Variants in ZNF48 observed in about 807,000 individuals in gnomAD.
ZNF48 encodes the protein zinc finger protein 553.
A neutral mutation model predicts 40.0 loss-of-function variants in ZNF48; 20 were observed. The ratio of observed to expected loss-of-function variants is 0.50; its 90% CI spans 0.35 to 0.73. ZNF48 has a LOEUF of 0.73. Among genes scored for constraint, ZNF48 ranks in the 30% least tolerant of loss-of-function variants. The probability of loss-of-function intolerance (pLI) is 0.01; values close to 1 mark genes in which losing one functional copy is unlikely to be tolerated. For missense variants in ZNF48, 726 were observed against 851.9 expected, an observed-to-expected ratio of 0.85 and a Z score of 1.84; for synonymous variants, 298 against 329.7, an observed-to-expected ratio of 0.90 and a Z score of 1.04.
rs758269603 is a variant in ZNF48 at position 30,381,611 on chromosome 16, G to C, written c.-16+3201G>C. 1.8e-4 allele frequency: 268 copies of C among 1,457,268 alleles called. No homozygotes were observed. The highest frequency in any genetic ancestry group is 2.3e-4 in the Non-Finnish European group (243 of 1,065,542). The allele number at this position is 1,457,268 out of a possible 1,614,324, so 90.3% of individuals were successfully genotyped here. On this transcript the variant is annotated intron_variant, in intron 1 of 2. Coordinates refer to the ZNF48 transcript ENST00000528032. This position sits in a 1 kb window ranked among gnomAD's most constrained non-coding sequence, Gnocchi z 4.3. The stretch of plus-strand genomic sequence containing the variant: ...TTAAGGGGAACTGGTGGGGGCCTAG[G>C]TGAGTCATCAAGAAGCACAGGGACC...
At position 30,397,868 on chromosome 16, in the gene ZNF48, CCTG is replaced by C; in HGVS notation, c.619_621del (p.Leu207del). On this transcript the variant is annotated inframe_deletion, in exon 3 of 3. Coordinates refer to ENST00000613509, the MANE Select transcript of ZNF48 (RefSeq NM_001214909.2). The surrounding 1 kb of genome is among the most constrained non-coding windows in gnomAD (Gnocchi z 4.1). ...GCAAGAGCTTCCGGCAGAGTTCTGA[CCTG>C]GTGAAACACCAGCGGACACACACTG... 1 of 1,612,590 alleles carries C rather than the reference CCTG, an allele frequency of 6.2e-7. No homozygotes were observed. The highest frequency in any genetic ancestry group is 8.5e-7 in the Non-Finnish European group (1 of 1,179,648).
intron 1 of ZNF48, among the ~76,000 whole-genome samples, chr16:30,383,491 C>T (rs1411773380): frequency 6.6e-6 from 1 of 152,048 alleles, no homozygotes. Flanking sequence ...GCCAGGCCAA[C>T]GCTGTTTCAA....
At chr16:30,379,956 G>A (rs1366112660) in intron 1 of ZNF48, 9 of 1,589,856 alleles carry the variant, frequency 5.7e-6, no homozygotes, top group Non-Finnish European at 7.8e-6. Flanking sequence ...CCTGCCTCTT[G>A]AAGTCTTCAT....
upstream of ZNF48, among the ~76,000 whole-genome samples, chr16:30,392,275 G>A (rs564328606): frequency 2.5e-3 from 374 of 152,138 alleles, 3 homozygotes; most frequent in Admixed American, 7.1e-3. Flanking sequence ...CACCCACATC[G>A]GCATCCCAAA....
At position 30,398,054 on chromosome 16, in the gene ZNF48, G is replaced by C. The variant is rs758306248; in HGVS notation, c.804G>C (p.Pro268=). Residue 268 remains proline (P), a synonymous_variant, in exon 3 of 3, where the codon CCG becomes CCC. Coordinates refer to ENST00000613509, the MANE Select transcript of ZNF48 (RefSeq NM_001214909.2). The surrounding 1 kb of genome is among the most constrained non-coding windows in gnomAD (Gnocchi z 6.6). ...CAGCCACGGCAGCTACCCAGGGACC[G>C]AAGGCCCAGGACAAGCCATATATCT... ...SRAATAATQG[P]KAQDKPYICT... 1 of 1,612,194 alleles carries C rather than the reference G, an allele frequency of 6.2e-7. No individual in the cohort carries two copies. The highest frequency in any genetic ancestry group is 8.5e-7 in the Non-Finnish European group (1 of 1,178,938).
Position 30,398,824 on chromosome 16 carries a change from C to T in ZNF48, c.1574C>T (p.Pro525Leu), listed in dbSNP as rs766699262. 4 of 1,613,862 alleles carry T rather than the reference C, an allele frequency of 2.5e-6. No homozygotes were observed. The highest frequency in any genetic ancestry group is 3.4e-6 in the Non-Finnish European group (4 of 1,180,022). ...LRPHNPPGPV[P>L]MAPRPRVRAQ... is the part of the protein sequence containing the mutation. Reference sequence around the variant, plus strand: ...CCACATAACCCACCTGGCCCAGTACCCATGGCCCCTCGACCCCGAGTTCGG... The same window carrying T: ...CCACATAACCCACCTGGCCCAGTACTCATGGCCCCTCGACCCCGAGTTCGG... Residue 525 changes from proline (P) to leucine (L), a missense_variant, in exon 3 of 3, where the codon CCC (proline) becomes CTC (leucine). Physicochemically the swap from Pro to Leu is moderately conservative, Grantham distance 98. This residue lies in a region of ZNF48 where 166 missense variants were observed against 163.6 expected (regional missense o/e 1.01). Transcript: ENST00000613509. This position sits in a 1 kb window ranked among gnomAD's most constrained non-coding sequence, Gnocchi z 6.6.
At position 30,397,821 on chromosome 16, in the gene ZNF48, C is replaced by T. The variant is rs781254141; in HGVS notation, c.571C>T (p.Pro191Ser). Reference sequence around the variant, plus strand: ...GTCCCGGATCCCTGCTGGTGAGCGCCCCACTATCTGTGGTGAATGTGGCAA... The same window carrying T: ...GTCCCGGATCCCTGCTGGTGAGCGCTCCACTATCTGTGGTGAATGTGGCAA... ...PRSRIPAGER[P>S]TICGECGKSF... is the part of the protein sequence containing the mutation. The change falls in exon 3 of 3, where the codon CCC becomes TCC. Residue 191 changes from proline to serine, a missense_variant. Physicochemically the swap from Pro to Ser is moderately conservative, Grantham distance 74. Coordinates refer to ENST00000613509, the MANE Select transcript of ZNF48 (RefSeq NM_001214909.2). This position sits in a 1 kb window ranked among gnomAD's most constrained non-coding sequence, Gnocchi z 4.1. 1.2e-6 allele frequency: 2 copies of T among 1,613,142 alleles called. No individual in the cohort carries two copies. The highest frequency in any genetic ancestry group is 1.7e-6 in the Non-Finnish European group (2 of 1,179,854).
rs1002671616 is a variant in ZNF48, at chr16:30,397,791, C to G, written c.541C>G (p.Pro181Ala). The change falls in exon 3 of 3, where the codon CCT (proline) becomes GCT (alanine). Residue 181 changes from proline (P) to alanine (A), a missense_variant. This residue lies in a region of ZNF48 where 378 missense variants were observed against 449.1 expected (regional missense o/e 0.84). Coordinates refer to ENST00000613509, the MANE Select transcript of ZNF48 (RefSeq NM_001214909.2). The surrounding 1 kb of genome is among the most constrained non-coding windows in gnomAD (Gnocchi z 4.1). ...ACCAGCCCAGGGTCCCCCAAAGATT[C>G]CTCGGTCCCGGATCCCTGCTGGTGA... ...RPPAQGPPKIPRSRIPAGERP... is the reference protein window; with the variant it reads ...RPPAQGPPKIARSRIPAGERP... The G allele has an allele frequency of 5.6e-6, 9 of 1,613,674 alleles. No individual in the cohort carries two copies. The highest frequency in any genetic ancestry group is 7.6e-6 in the Non-Finnish European group (9 of 1,179,988).
Position 30,398,147 on chromosome 16 carries a change from G to T in ZNF48, c.897G>T (p.Gly299=). The change falls in exon 3 of 3, where the codon GGG becomes GGT. Residue 299 remains glycine, a synonymous_variant. Transcript: ENST00000613509. This position sits in a 1 kb window ranked among gnomAD's most constrained non-coding sequence, Gnocchi z 6.6. ...TGAGTCACCAGCGTAGTCACTTGGG[G>T]CCCAAGCCCTTTGGCTGTGATGTGT... ...SLLSHQRSHL[G]PKPFGCDVCG... is the part of the protein sequence containing the mutation. The T allele has an allele frequency of 1.2e-6, 2 of 1,613,912 alleles. No homozygotes were observed. Among genetic ancestry groups the T allele is most frequent in the Non-Finnish European group, 1.7e-6 (2 of 1,179,884 alleles).
Position 30,398,700 on chromosome 16 carries a change from T to C in ZNF48, c.1450T>C (p.Cys484Arg), listed in dbSNP as rs2050018018. ...TGEKPYLCPE[C>R]GKGFADSSAR... ...GGAGAAACCCTACCTCTGTCCTGAA[T>C]GCGGCAAGGGTTTTGCTGACAGCTC... The change falls in exon 3 of 3, where the codon TGC becomes CGC. Residue 484 changes from cysteine (C) to arginine (R), a missense_variant. Coordinates refer to ENST00000613509, the MANE Select transcript of ZNF48 (RefSeq NM_001214909.2). The surrounding 1 kb of genome is among the most constrained non-coding windows in gnomAD (Gnocchi z 6.6). 1 of 1,613,358 alleles carries C rather than the reference T, an allele frequency of 6.2e-7. No individual in the cohort carries two copies. The highest frequency in any genetic ancestry group is 1.1e-5 in the South Asian group (1 of 91,062).
In ZNF48 at chr16:30,382,659, G is replaced by C. The variant is rs2049867572; in HGVS notation, c.-16+4249G>C. ...GCTCAAACTGGCCCAGTCCCAGAGA[G>C]GTGGGGAAGGCCAAGGCCAAGAACA... is the stretch of plus-strand genomic sequence containing the variant. On this transcript the variant is annotated intron_variant, in intron 1 of 2. Coordinates refer to the ZNF48 transcript ENST00000528032. This position sits in a 1 kb window ranked among gnomAD's most constrained non-coding sequence, Gnocchi z 4.8. 1 of 1,536,350 alleles carries C rather than the reference G, an allele frequency of 6.5e-7. No individual in the cohort carries two copies. The highest frequency in any genetic ancestry group is 8.7e-7 in the Non-Finnish European group (1 of 1,142,948).
At chr16:30,378,626 C>A in intron 1 of ZNF48, 1 of 1,611,178 alleles carries the variant, frequency 6.2e-7, no homozygotes, top group Non-Finnish European at 8.5e-7. Flanking sequence ...GTCTTTCTCG[C>A]GGATCAGCTT....
At chr16:30,383,996 C>T (rs898292976) in intron 1 of ZNF48, among the ~76,000 whole-genome samples, 1 of 152,032 alleles carries the variant, frequency 6.6e-6, no homozygotes, top group Admixed American at 6.6e-5. Flanking sequence ...GCGGGTGGAT[C>T]ACTTGAGGCC....
chr16:30,391,405 G>T (rs555133910), upstream of ZNF48, among the ~76,000 whole-genome samples: 149 of 150,798 alleles, frequency 9.9e-4, no homozygotes, highest in African/African-American at 3.5e-3. Context: ...GGTCAGGCTG[G>T]TCTCCAACCC....
At chr16:30,380,768 TAA>T (rs11325889) in intron 1 of ZNF48, 72 of 267,732 alleles carry the variant, frequency 2.7e-4, no homozygotes, top group African/African-American at 1.1e-3. Context: ...AGACTCTATC[TAA>T]AAAAAAAAAG....
At chr16:30,389,161 A>C (rs2049922611) in intron 1 of ZNF48, among the ~76,000 whole-genome samples, 1 of 151,912 alleles carries the variant, frequency 6.6e-6, no homozygotes, top group South Asian at 2.1e-4. Context: ...TGGGAGGCTG[A>C]GGCGGGCGGA....
At position 30,397,272 on chromosome 16, in the gene ZNF48, G is replaced by C; in HGVS notation, c.80-58G>C. 6.7e-7 allele frequency: 1 copy of C among 1,495,624 alleles called. No individual in the cohort carries two copies. Among genetic ancestry groups the C allele is most frequent in the Non-Finnish European group, 9.0e-7 (1 of 1,107,226 alleles). The allele number at this position is 1,495,624 out of a possible 1,614,324, so 92.6% of individuals were successfully genotyped here. Reference sequence around the variant, plus strand: ...AGGGAGTCTTCCTGGAGAGGTTGCTGTCAAAGATAAGTACCGAGCCAAAGG... The same window carrying C: ...AGGGAGTCTTCCTGGAGAGGTTGCTCTCAAAGATAAGTACCGAGCCAAAGG... On this transcript the variant is annotated intron_variant, in intron 2 of 2. Transcript: ENST00000613509. The surrounding 1 kb of genome is among the most constrained non-coding windows in gnomAD (Gnocchi z 4.1).
Position 30,382,414 on chromosome 16 carries a change from GTCCCCAGGA to G in ZNF48, c.-16+4007_-16+4015del, listed in dbSNP as rs1191396258. The G allele has an allele frequency of 6.4e-7, 1 of 1,571,218 alleles. No individual in the cohort carries two copies. Among genetic ancestry groups the G allele is most frequent in the Admixed American group, 1.7e-5 (1 of 57,876 alleles). The stretch of plus-strand genomic sequence containing the variant: ...GAGGCTGCTGGCAATGGCAGGCAGG[GTCCCCAGGA>G]TCACTTGAGTTCCTGGGCTAGGAAG... On this transcript the variant is annotated intron_variant, in intron 1 of 2. Transcript: ENST00000528032. The surrounding 1 kb of genome is among the most constrained non-coding windows in gnomAD (Gnocchi z 4.8).
chr16:30,394,389 A>C (rs1057336463), upstream of ZNF48, among the ~76,000 whole-genome samples: 8 of 152,042 alleles, frequency 5.3e-5, no homozygotes, highest in African/African-American at 1.9e-4. Flanking sequence ...CACTCTCTCC[A>C]CCCCAAAACC....
Sources: allele counts gnomAD v4.1 joint callset (sites outside exome capture counted in the v4.1 genomes callset), GRCh38; gene constraint gnomAD v4.1.1; regional missense constraint gnomAD v4.1.1; non-coding constraint Gnocchi (gnomAD v3.1); transcripts MANE v1.5; gene names NCBI Gene and HGNC (gene_info 2026-07-23, HGNC 2026-07-21).